The following SEPTIN6 variants were observed in gnomAD, a reference collection of about 807,000 sequenced individuals.
The protein encoded by SEPTIN6 is septin-6.
A neutral mutation model predicts 33.6 loss-of-function variants in SEPTIN6; 8 were observed. That is an observed-to-expected ratio of 0.24 (90% CI 0.14 to 0.43). The LOEUF is 0.43. SEPTIN6 is among the 20% of genes least tolerant of loss of function. The pLI is 1.00. For synonymous variants in SEPTIN6, 131 were observed against 140.0 expected (o/e 0.94, Z 0.45); for missense variants, 250 against 340.8 (o/e 0.73, Z 2.10).
chrX:119,667,006 C>T (rs994621457), intron 2 of SEPTIN6, among the ~76,000 whole-genome samples: 5 of 111,245 alleles, frequency 4.5e-5, no homozygotes, highest in African/African-American at 1.6e-4. Context: ...GCTCATCTTC[C>T]TATGTGCCTG....
chrX:119,655,299 G>A lies in SEPTIN6; in HGVS notation c.342-2259C>T, dbSNP rs749603043. ...TCTTATTCATCTCTGTATCCTCCAC[G>A]TCTAGCCTGCTGTCTGGAACATAGT... On this transcript the variant is annotated intron_variant, in intron 3 of 10. Transcript: ENST00000394610. 1.8e-3 allele frequency among the ~76,000 whole-genome samples: 203 copies of A among 110,121 alleles called. 2 individuals are homozygous for A. Among genetic ancestry groups the A allele is most frequent in the Non-Finnish European group, 3.5e-3 (183 of 52,790 alleles).
At chrX:119,669,563 C>T (rs2054706814) in intron 2 of SEPTIN6, among the ~76,000 whole-genome samples, 1 of 111,938 alleles carries the variant, frequency 8.9e-6, no homozygotes, top group African/African-American at 3.2e-5. Context: ...GTGCTGGAGC[C>T]GGCTCGTCCG....
Position 119,617,691 on chromosome X carries a change from G to C in SEPTIN6, c.*2402C>G. On this transcript the variant is annotated 3_prime_UTR_variant, in exon 11 of 11. Transcript: ENST00000394610. ...TGAATCCCTTTGTGAAACTGATTGG[G>C]AGTCAGGAGGCATGAAAATTAGTCT... is the stretch of plus-strand genomic sequence containing the variant. The C allele has an allele frequency of 1.3e-6, 1 of 799,247 alleles. No homozygotes were observed. Among genetic ancestry groups the C allele is most frequent in the Non-Finnish European group, 1.5e-6 (1 of 664,002 alleles). 65.9% of individuals were successfully genotyped at this position (799,247 alleles called of 1,213,427 possible). A position where few individuals can be genotyped will look rare whatever the true frequency, so the allele number is the denominator to read the frequency against.
chrX:119,633,242 A>T, intron 8 of SEPTIN6, 118 bp downstream of exon 8: 2 of 693,386 alleles, frequency 2.9e-6, no homozygotes, highest in Non-Finnish European at 4.3e-6. Context: ...ACTGTCTTCC[A>T]CAGTGGTTGA....
intron 2 of SEPTIN6, among the ~76,000 whole-genome samples, chrX:119,663,974 G>A (rs764027859): frequency 1.5e-4 from 16 of 109,713 alleles, no homozygotes; most frequent in Non-Finnish European, 2.5e-4. Context: ...TGTTTTTTTT[G>A]TTGTTGTTTG....
chrX:119,623,415 T>C (rs1337726208), intron 10 of SEPTIN6, among the ~76,000 whole-genome samples: 1 of 112,339 alleles, frequency 8.9e-6, no homozygotes, highest in Non-Finnish European at 1.9e-5. Context: ...TTTATAATAA[T>C]TCAGCAGGTC....
In SEPTIN6 at chrX:119,618,573, T is replaced by C. The variant is rs2053701120; in HGVS notation, c.*1520A>G. Reference sequence around the variant, plus strand: ...AAAAAATAGAAGTAGGTGGTCATGGTCAGTGCCAGTGGGGCTGGGAGGCAG... The same window carrying C: ...AAAAAATAGAAGTAGGTGGTCATGGCCAGTGCCAGTGGGGCTGGGAGGCAG... On this transcript the variant is annotated 3_prime_UTR_variant, in exon 11 of 11. Coordinates refer to ENST00000394610, the MANE Select transcript of SEPTIN6 (RefSeq NM_145799.4). 1.0e-6 allele frequency: 1 copy of C among 987,141 alleles called. No individual in the cohort carries two copies. The highest frequency in any genetic ancestry group is 1.3e-6 in the Non-Finnish European group (1 of 779,134). The allele number at this position is 987,141 out of a possible 1,213,427, so 81.4% of individuals were successfully genotyped here. A position where few individuals can be genotyped will look rare whatever the true frequency, so the allele number is the denominator to read the frequency against.
chrX:119,616,760 A>C (rs755498649), downstream of SEPTIN6: 9 of 1,177,297 alleles, frequency 7.6e-6, no homozygotes, highest in East Asian at 3.0e-5. Context: ...GGAGAGAGAA[A>C]GAGAAAGAAA....
Position 119,619,432 on chromosome X carries a change from T to C in SEPTIN6, c.*661A>G. On this transcript the variant is annotated 3_prime_UTR_variant, in exon 11 of 11. Coordinates refer to ENST00000394610, the MANE Select transcript of SEPTIN6 (RefSeq NM_145799.4). ...AGCAGTTGTGTTTTATGGGAAGGGCTTGGTGTAAATAAATGCGTTGCCGAT... is the reference window on the plus strand; with the variant it reads ...AGCAGTTGTGTTTTATGGGAAGGGCCTGGTGTAAATAAATGCGTTGCCGAT... The C allele has an allele frequency of 2.5e-6, 2 of 815,086 alleles. No homozygotes were observed. The highest frequency in any genetic ancestry group is 6.6e-5 in the East Asian group (1 of 15,195). The allele number at this position is 815,086 out of a possible 1,213,427, so 67.2% of individuals were successfully genotyped here.
At chrX:119,663,788 CAT>C (rs2054588124) in intron 2 of SEPTIN6, 111 bp from the exon 3 acceptor site, 3 of 619,735 alleles carry the variant, frequency 4.8e-6, no homozygotes, top group Non-Finnish European at 7.4e-6. Flanking sequence ...CATGATAAAA[CAT>C]AAAGCAAAAA....
intron 10 of SEPTIN6, chrX:119,624,165 TTTTG>T (rs1320400147): frequency 1.1e-4 from 23 of 204,522 alleles, no homozygotes; most frequent in South Asian, 4.4e-4. Flanking sequence ...TTGTTTTTTT[TTTTG>T]TTTGTTTGTT....
chrX:119,645,791 A>C (rs2054246248), intron 5 of SEPTIN6, among the ~76,000 whole-genome samples: 1 of 111,190 alleles, frequency 9.0e-6, no homozygotes, highest in African/African-American at 3.3e-5. Context: ...TGGCCTCCCA[A>C]AGTGCTGGGA....
At chrX:119,629,915 T>A (rs2053930707) in intron 8 of SEPTIN6, among the ~76,000 whole-genome samples, 1 of 111,090 alleles carries the variant, frequency 9.0e-6, no homozygotes, top group South Asian at 3.8e-4. Context: ...AGGTCAGGTG[T>A]TCGACACCAG....
intron 2 of SEPTIN6, among the ~76,000 whole-genome samples, chrX:119,670,548 G>T (rs1300506157): frequency 1.2e-5 from 1 of 84,060 alleles, no homozygotes; most frequent in Non-Finnish European, 2.2e-5. Flanking sequence ...GTGACAGAGT[G>T]AGACTCTGTC....
chrX:119,675,145 CA>C (rs747867197), intron 2 of SEPTIN6, among the ~76,000 whole-genome samples: 96 of 111,660 alleles, frequency 8.6e-4, no homozygotes, highest in African/African-American at 3.1e-3. Context: ...CCAAGCACAG[CA>C]AAACTACAGA....
At chrX:119,616,887 G>A, downstream of SEPTIN6, 1 of 1,092,217 alleles carries the variant, frequency 9.2e-7, no homozygotes. Context: ...GGGGGTCATT[G>A]CTGGGCCATC....
chrX:119,656,993 C>T (rs889219493), intron 3 of SEPTIN6, among the ~76,000 whole-genome samples: 3 of 108,968 alleles, frequency 2.8e-5, no homozygotes, highest in Non-Finnish European at 3.8e-5. Context: ...CCGAGGCAGG[C>T]GGATTACCTG....
Position 119,640,655 on chromosome X carries a change from G to A in SEPTIN6, c.787+37C>T, listed in dbSNP as rs375725344. Reference sequence around the variant, plus strand: ...ACAAACAAAGAGACAGACAAAAGGGGCTTCCTGTGTGTAGCCCTTCCCGGA... The same window carrying A: ...ACAAACAAAGAGACAGACAAAAGGGACTTCCTGTGTGTAGCCCTTCCCGGA... On this transcript the variant is annotated intron_variant, in intron 6 of 10. Coordinates refer to ENST00000394610, the MANE Select transcript of SEPTIN6 (RefSeq NM_145799.4). 4.8e-6 allele frequency: 5 copies of A among 1,052,259 alleles called. No homozygotes were observed. The African/African-American group carries it at 9.3e-5, about 20-fold the overall frequency. The allele number at this position is 1,052,259 out of a possible 1,213,427, so 86.7% of individuals were successfully genotyped here.
chrX:119,637,463 C>G (rs1304982226), intron 6 of SEPTIN6, among the ~76,000 whole-genome samples: 1 of 112,171 alleles, frequency 8.9e-6, no homozygotes, highest in Non-Finnish European at 1.9e-5. Context: ...TCAGAACCCT[C>G]AAAAGAATGT....
Sources: gnomAD v4.1 joint callset for allele counts (sites outside exome capture counted in the v4.1 genomes callset) on GRCh38, gnomAD v4.1.1 for gene constraint, MANE v1.5 for transcripts, NCBI Gene and HGNC (gene_info 2026-07-23, HGNC 2026-07-21) for gene names.